Variants in EXTL2 observed in about 807,000 individuals in gnomAD.
The protein encoded by EXTL2 is exostosin-like 2.
Under a neutral mutation model 30.7 loss-of-function variants are expected in EXTL2, and 23 were observed. The observed-to-expected ratio is 0.75, with a 90% CI of 0.54 to 1.06. The LOEUF is 1.06. Among genes scored for constraint, EXTL2 ranks in the 50% least tolerant of loss-of-function variants. The pLI is 0.00. For synonymous variants in EXTL2, 123 were observed against 133.8 expected (o/e 0.92, Z 0.56); for missense variants, 352 against 396.3 (o/e 0.89, Z 0.95).
At chr1:100,875,232 C>CACACACAT (rs1553231089) in intron 4 of EXTL2, among the ~76,000 whole-genome samples, 3 of 80,456 alleles carry the variant, frequency 3.7e-5, no homozygotes, top group Admixed American at 3.5e-4. Flanking sequence ...GAACTAGGGA[C>CACACACAT]ACACACACAC....
At chr1:100,882,639 C>T (rs1166395841) in intron 2 of EXTL2, among the ~76,000 whole-genome samples, 3 of 152,176 alleles carry the variant, frequency 2.0e-5, no homozygotes, top group African/African-American at 7.2e-5. Flanking sequence ...TGGGCAATGT[C>T]ATGAGACCCC....
At position 100,877,592 on chromosome 1, in the gene EXTL2, G is replaced by A. The variant is rs750710606; in HGVS notation, c.317C>T (p.Ala106Val). The A allele has an allele frequency of 6.2e-6, 10 of 1,613,356 alleles. No individual in the cohort carries two copies. The African/African-American group carries it at 1.2e-4, about 19-fold the overall frequency. Reference sequence around the variant, plus strand: ...TAGAGAATTCCATAATTCATCTGGTGCCTTCTCTCCAATATTGTTCCATAC... The same window carrying A: ...TAGAGAATTCCATAATTCATCTGGTACCTTCTCTCCAATATTGTTCCATAC... Reference protein sequence around the residue: ...IVVWNNIGEKAPDELWNSLGP... With the variant: ...IVVWNNIGEKVPDELWNSLGP... The change falls in exon 3 of 5, where the codon GCA becomes GTA. Residue 106 changes from alanine (A) to valine (V), a missense_variant. Physicochemically the swap from Ala to Val is moderately conservative, Grantham distance 64. Transcript: ENST00000370114. This position sits in a 1 kb window ranked among gnomAD's most constrained non-coding sequence, Gnocchi z 4.1.
At chr1:100,878,156 G>A (rs1649277573) in intron 2 of EXTL2, among the ~76,000 whole-genome samples, 1 of 152,026 alleles carries the variant, frequency 6.6e-6, no homozygotes, top group African/African-American at 2.4e-5. Context: ...GAAAAATTAA[G>A]CATTTAAAAA....
intron 1 of EXTL2, among the ~76,000 whole-genome samples, chr1:100,890,832 A>G (rs1650368649): frequency 6.6e-6 from 1 of 152,158 alleles, no homozygotes; most frequent in South Asian, 2.1e-4. Context: ...GAGCTCTCCA[A>G]ACTTTTCCAT....
At chr1:100,885,875 C>T (rs1259092360) in intron 2 of EXTL2, 4 of 152,256 alleles carry the variant, frequency 2.6e-5, no homozygotes, top group South Asian at 4.1e-4. Context: ...TCTATTCTTA[C>T]GAGGTTCTTC....
At position 100,874,225 on chromosome 1, in the gene EXTL2, A is replaced by G. The variant is rs200601691; in HGVS notation, c.710T>C (p.Ile237Thr). Reference protein sequence around the residue: ...QRQPAAVHALIDDTQNCDDIA... With the variant: ...QRQPAAVHALTDDTQNCDDIA... Reference sequence around the variant, plus strand: ...ATCATCACAGTTTTGAGTATCATCTATCAAAGCATGGACAGCTGCAGGTTG... The same window carrying G: ...ATCATCACAGTTTTGAGTATCATCTGTCAAAGCATGGACAGCTGCAGGTTG... The change falls in exon 5 of 5, where the codon ATA becomes ACA. Residue 237 changes from isoleucine (I) to threonine (T), a missense_variant. By Grantham distance (89) the Ile-to-Thr change is moderately conservative (BLOSUM62 -1). Transcript: ENST00000370114. The G allele has an allele frequency of 5.1e-5, 82 of 1,612,912 alleles. No individual in the cohort carries two copies. The highest frequency in any genetic ancestry group is 8.8e-5 in the South Asian group (8 of 91,024).
At chr1:100,884,831 G>GT (rs1422365302) in intron 2 of EXTL2, among the ~76,000 whole-genome samples, 3 of 151,894 alleles carry the variant, frequency 2.0e-5, no homozygotes, top group Admixed American at 6.6e-5. Context: ...TTCTTTTGCT[G>GT]TTTTTTTCAG....
rs1201420754 is a variant in EXTL2 at position 100,877,466 on chromosome 1, T to G, written c.433+10A>C. The G allele has an allele frequency of 6.4e-7, 1 of 1,573,992 alleles. No individual in the cohort carries two copies. Among genetic ancestry groups the G allele is most frequent in the Admixed American group, 1.8e-5 (1 of 56,454 alleles). On this transcript the variant is annotated intron_variant, in intron 3 of 4. Transcript: ENST00000370114. The surrounding 1 kb of genome is among the most constrained non-coding windows in gnomAD (Gnocchi z 4.1). The stretch of plus-strand genomic sequence containing the variant: ...AGCCTTTCCAGGCTGAGAACTACAC[T>G]GCAACTCACCATTGGTTTCCAGTTC...
intron 2 of EXTL2, among the ~76,000 whole-genome samples, chr1:100,886,466 G>C (rs2100956511): frequency 1.3e-5 from 2 of 152,268 alleles, no homozygotes; most frequent in Middle Eastern, 6.8e-3. Flanking sequence ...ACTGAAAATG[G>C]GATATCAGGC....
At chr1:100,887,727 CAG>C (rs1370052022) in intron 2 of EXTL2, among the ~76,000 whole-genome samples, 1 of 151,344 alleles carries the variant, frequency 6.6e-6, no homozygotes, top group Non-Finnish European at 1.5e-5. Flanking sequence ...TTTTTTGAGA[CAG>C]AGTCTCACTC....
At chr1:100,892,215 C>T (rs1650482121) in intron 1 of EXTL2, among the ~76,000 whole-genome samples, 1 of 152,164 alleles carries the variant, frequency 6.6e-6, no homozygotes, top group African/African-American at 2.4e-5. Context: ...GACCCACTCT[C>T]AGGAAGACCC....
chr1:100,891,245 T>G (rs563977510), intron 1 of EXTL2, among the ~76,000 whole-genome samples: 1 of 152,354 alleles, frequency 6.6e-6, no homozygotes, highest in Admixed American at 6.5e-5. Context: ...TAAGGATTAG[T>G]ATGCTTCTGG....
At chr1:100,888,040 C>G (rs1650117462) in intron 2 of EXTL2, among the ~76,000 whole-genome samples, 1 of 152,198 alleles carries the variant, frequency 6.6e-6, no homozygotes, top group African/African-American at 2.4e-5. Context: ...GTCTCTATAT[C>G]CAGCTTTGTT....
intron 1 of EXTL2, among the ~76,000 whole-genome samples, chr1:100,889,509 A>G (rs778683145): frequency 9.9e-5 from 15 of 152,224 alleles, no homozygotes; most frequent in Admixed American, 2.6e-4. Context: ...TCATTCCAGC[A>G]TTAACCCAAA....
intron 1 of EXTL2, among the ~76,000 whole-genome samples, chr1:100,890,335 T>A (rs1399254350): frequency 6.6e-6 from 1 of 152,116 alleles, no homozygotes; most frequent in Non-Finnish European, 1.5e-5. Flanking sequence ...CATGAAACCA[T>A]TTTTCCCTCC....
At position 100,873,819 on chromosome 1, in the gene EXTL2, T is replaced by C; in HGVS notation, c.*123A>G. ...TTATATCCTAGAAGCACTGCACTTT[T>C]TTTTCTATTGTAGAGACTTCTGGAG... On this transcript the variant is annotated 3_prime_UTR_variant, in exon 5 of 5. Transcript: ENST00000370114. 1 of 1,046,754 alleles carries C rather than the reference T, an allele frequency of 9.6e-7. No individual in the cohort carries two copies. Among genetic ancestry groups the C allele is most frequent in the Non-Finnish European group, 1.4e-6 (1 of 738,512 alleles). The allele number at this position is 1,046,754 out of a possible 1,614,324, so 64.8% of individuals were successfully genotyped here. A position where few individuals can be genotyped will look rare whatever the true frequency, so the allele number is the denominator to read the frequency against.
chr1:100,877,435 A>G lies in EXTL2; in HGVS notation c.433+41T>C, dbSNP rs1383955952. ...TCACATGTCTGTCCCAGCTCTGGACAGCGGCAGCCTTTCCAGGCTGAGAAC... is the reference window on the plus strand; with the variant it reads ...TCACATGTCTGTCCCAGCTCTGGACGGCGGCAGCCTTTCCAGGCTGAGAAC... On this transcript the variant is annotated intron_variant, in intron 3 of 4. Transcript: ENST00000370114. The surrounding 1 kb of genome is among the most constrained non-coding windows in gnomAD (Gnocchi z 4.1). 1 of 1,500,270 alleles carries G rather than the reference A, an allele frequency of 6.7e-7. No individual in the cohort carries two copies. Among genetic ancestry groups the G allele is most frequent in the Admixed American group, 2.1e-5 (1 of 46,698 alleles). 92.9% of individuals were successfully genotyped at this position (1,500,270 alleles called of 1,614,324 possible). A position where few individuals can be genotyped will look rare whatever the true frequency, so the allele number is the denominator to read the frequency against.
intron 1 of EXTL2, among the ~76,000 whole-genome samples, chr1:100,893,381 A>G (rs1278803477): frequency 6.6e-6 from 1 of 152,200 alleles, no homozygotes; most frequent in African/African-American, 2.4e-5. Flanking sequence ...CTGTCCCTTC[A>G]CACTGCTCCA....
chr1:100,886,301 A>G (rs1274840628), intron 2 of EXTL2, among the ~76,000 whole-genome samples: 1 of 152,258 alleles, frequency 6.6e-6, no homozygotes, highest in Non-Finnish European at 1.5e-5. Context: ...ACATTTAAAT[A>G]GAATGATGTT....
Sources: allele counts gnomAD v4.1 joint callset (sites outside exome capture counted in the v4.1 genomes callset), GRCh38; gene constraint gnomAD v4.1.1; non-coding constraint Gnocchi (gnomAD v3.1); transcripts MANE v1.5; gene names NCBI Gene and HGNC (gene_info 2026-07-23, HGNC 2026-07-21).